Variants in USP6NL observed in about 807,000 individuals in gnomAD.
The protein encoded by USP6NL is USP6 N-terminal like, also known as USP6 N-terminal-like protein.
USP6NL carries 26 observed loss-of-function variants against 61.9 expected under a neutral mutation model. The observed-to-expected ratio is 0.42, with a 90% CI of 0.31 to 0.58. The LOEUF (loss-of-function observed/expected upper bound fraction) is 0.58. USP6NL is among the 20% of genes least tolerant of loss of function. USP6NL has a pLI of 0.16. For missense variants in USP6NL, 1,114 were observed against 1,034.3 expected (o/e 1.08, Z -1.06); for synonymous variants, 432 against 390.1 (o/e 1.11, Z -1.27).
chr10:11,606,808 T>C (rs1199003816), intron 1 of USP6NL, among the ~76,000 whole-genome samples: 1 of 152,010 alleles, frequency 6.6e-6, no homozygotes, highest in East Asian at 1.9e-4. Flanking sequence ...TTTTTTTTTT[T>C]TGACACGGAG....
chr10:11,565,364 G>A lies in USP6NL; in HGVS notation c.4+32267C>T, dbSNP rs34560270. The A allele has an allele frequency of 7.4e-3, 1,131 of 152,310 alleles. 4 individuals are homozygous for A. The highest frequency in any genetic ancestry group is 0.012 in the South Asian group (57 of 4,824). The allele number at this position is 152,310 out of a possible 1,614,324, so 9.4% of individuals were successfully genotyped here. On this transcript the variant is annotated intron_variant, in intron 2 of 14. Transcript: ENST00000609104. ...CCTTTAAGAATGTAGCATCCAGGCCGGGCGTAGTGGCTCACACCTATAATC... is the reference window on the plus strand; with the variant it reads ...CCTTTAAGAATGTAGCATCCAGGCCAGGCGTAGTGGCTCACACCTATAATC...
chr10:11,485,765 C>CT lies in USP6NL; in HGVS notation c.759+51dup. On this transcript the variant is annotated intron_variant, in intron 11 of 14. Transcript: ENST00000609104. The surrounding 1 kb of genome is among the most constrained non-coding windows in gnomAD (Gnocchi z 4.8). ...ACCAAAGACAATTTAATTATCCCAG[C>CT]TTTTTTTGGGGGGTGGGTAGGTGGG... The CT allele has an allele frequency of 8.0e-6, 10 of 1,246,402 alleles. No individual in the cohort carries two copies. The highest frequency in any genetic ancestry group is 2.6e-5 in the Admixed American group (1 of 37,970). The allele number at this position is 1,246,402 out of a possible 1,614,324, so 77.2% of individuals were successfully genotyped here. A position where few individuals can be genotyped will look rare whatever the true frequency, so the allele number is the denominator to read the frequency against.
chr10:11,589,498 T>C lies in USP6NL; in HGVS notation c.4+8133A>G, dbSNP rs1838089289. On this transcript the variant is annotated intron_variant, in intron 2 of 14. Transcript: ENST00000609104. The surrounding 1 kb of genome is among the most constrained non-coding windows in gnomAD (Gnocchi z 4.7). The stretch of plus-strand genomic sequence containing the variant: ...AAAATACAAAGACCAACTATTATAA[T>C]TTACATAAAAACTTAATACATATAT... Among the ~76,000 whole-genome samples, 1 of 152,200 alleles carries C rather than the reference T, an allele frequency of 6.6e-6. No individual in the cohort carries two copies. Among genetic ancestry groups the C allele is most frequent in the Non-Finnish European group, 1.5e-5 (1 of 68,038 alleles).
chr10:11,481,878 GA>G lies in USP6NL; in HGVS notation c.969del (p.Gln324ArgfsTer15), dbSNP rs1833214538. On this transcript the variant is annotated frameshift_variant, in exon 14 of 15. Coordinates refer to ENST00000609104, the MANE Select transcript of USP6NL (RefSeq NM_014688.5). LOFTEE classifies it high-confidence loss of function. The surrounding 1 kb of genome is among the most constrained non-coding windows in gnomAD (Gnocchi z 4.4). ...AAAAAATCCTTTGCCAGGGTCTCCT[GA>G]AAAAATTCTACAAGTTCTTCCATGG... The part of the protein sequence containing the change: ...KLSMEELVEF[F>X]QETLAKDFFF... 6.2e-7 allele frequency: 1 copy of G among 1,611,576 alleles called. No individual in the cohort carries two copies.
rs1383914682 is a variant in USP6NL, at chr10:11,474,772, G to T, written c.1078+6998C>A. Among the ~76,000 whole-genome samples, 1 of 151,674 alleles carries T rather than the reference G, an allele frequency of 6.6e-6. No individual in the cohort carries two copies. The highest frequency in any genetic ancestry group is 2.4e-5 in the African/African-American group (1 of 41,262). On this transcript the variant is annotated intron_variant, in intron 14 of 14. Transcript: ENST00000609104. This position sits in a 1 kb window ranked among gnomAD's most constrained non-coding sequence, Gnocchi z 4.9. Reference sequence around the variant, plus strand: ...GCTGGAAAAAATTAAGTTAATATGTGAATTCAAAGCATTTAGCAAAAAATC... The same window carrying T: ...GCTGGAAAAAATTAAGTTAATATGTTAATTCAAAGCATTTAGCAAAAAATC...
rs189706983 is a variant in USP6NL, at chr10:11,482,592, T to C, written c.926-670A>G. Among the ~76,000 whole-genome samples the C allele has an allele frequency of 4.0e-4, 61 of 152,374 alleles. No homozygotes were observed. The highest frequency in any genetic ancestry group is 1.5e-3 in the African/African-American group (61 of 41,586). ...TCAAGTTATTCCCCTTTTTGCTTTT[T>C]TCCCCATTCACTAATGTATCACTGA... On this transcript the variant is annotated intron_variant, in intron 13 of 14. Transcript: ENST00000609104. The surrounding 1 kb of genome is among the most constrained non-coding windows in gnomAD (Gnocchi z 4.0).
chr10:11,562,913 T>A lies in USP6NL; in HGVS notation c.4+34718A>T, dbSNP rs938288871. 1 of 354,594 alleles carries A rather than the reference T, an allele frequency of 2.8e-6. No individual in the cohort carries two copies. Among genetic ancestry groups the A allele is most frequent in the Non-Finnish European group, 3.9e-6 (1 of 253,454 alleles). The allele number at this position is 354,594 out of a possible 1,614,324, so 22.0% of individuals were successfully genotyped here. A position where few individuals can be genotyped will look rare whatever the true frequency, so the allele number is the denominator to read the frequency against. On this transcript the variant is annotated intron_variant, in intron 2 of 14. Transcript: ENST00000609104. The surrounding 1 kb of genome is among the most constrained non-coding windows in gnomAD (Gnocchi z 4.8). ...AATCTATGAATCACATTCCTGGGTA[T>A]CTATCCCACAGAAATAAAAATTTAT...
rs143318704 is a variant in USP6NL, at chr10:11,595,659, AAGAG to A, written c.4+1968_4+1971del. On this transcript the variant is annotated intron_variant, in intron 2 of 14. Coordinates refer to ENST00000609104, the MANE Select transcript of USP6NL (RefSeq NM_014688.5). This position sits in a 1 kb window ranked among gnomAD's most constrained non-coding sequence, Gnocchi z 5.3. ...GAAAAAAACAAAAATCACAAAAAGA[AAGAG>A]AGAGACATAAGAGCAAAAAAACTTC... Among the ~76,000 whole-genome samples, 1,094 of 151,894 alleles carry A rather than the reference AAGAG, an allele frequency of 7.2e-3. 4 individuals are homozygous for A. The highest frequency in any genetic ancestry group is 0.031 in the Middle Eastern group (9 of 294).
In USP6NL at chr10:11,493,595, C is replaced by T. The variant is rs372520296; in HGVS notation, c.385-367G>A. ...TTTCTTGTTTCTTTCCAGGATGATG[C>T]TTTTGTTTTCCTTGAAGCTAATCAT... On this transcript the variant is annotated intron_variant, in intron 7 of 14. Transcript: ENST00000609104. Among the ~76,000 whole-genome samples, 153 of 152,314 alleles carry T rather than the reference C, an allele frequency of 1.0e-3. 2 individuals are homozygous for T. Among genetic ancestry groups the T allele is most frequent in the African/African-American group, 3.5e-3 (144 of 41,572 alleles).
chr10:11,542,063 T>C (rs1449137964), intron 2 of USP6NL, among the ~76,000 whole-genome samples: 1 of 152,172 alleles, frequency 6.6e-6, no homozygotes, highest in Non-Finnish European at 1.5e-5. Flanking sequence ...ACCTGAAAGT[T>C]CCACTTGGAA....
intron 10 of USP6NL, among the ~76,000 whole-genome samples, chr10:11,486,941 G>GA (rs1833494952): frequency 6.6e-6 from 1 of 151,954 alleles, no homozygotes; most frequent in African/African-American, 2.4e-5. Context: ...CTACTGGGCA[G>GA]AATTATTTCT....
rs184531918 is a variant in USP6NL at position 11,540,177 on chromosome 10, T to C, written c.5-12610A>G. Among the ~76,000 whole-genome samples, 3 of 152,348 alleles carry C rather than the reference T, an allele frequency of 2.0e-5. No homozygotes were observed. The highest frequency in any genetic ancestry group is 4.4e-5 in the Non-Finnish European group (3 of 68,028). On this transcript the variant is annotated intron_variant, in intron 2 of 14. Transcript: ENST00000609104. This position sits in a 1 kb window ranked among gnomAD's most constrained non-coding sequence, Gnocchi z 5.0. ...TCTGGATTCTAGTAGCCCTCCAATC[T>C]CATTACATGAAATTGTCAATTATTT...
chr10:11,539,175 T>G lies in USP6NL; in HGVS notation c.5-11608A>C, dbSNP rs188586506. On this transcript the variant is annotated intron_variant, in intron 2 of 14. Coordinates refer to ENST00000609104, the MANE Select transcript of USP6NL (RefSeq NM_014688.5). ...CTGGGTGCAGCCTTCTGTCCCTGAG[T>G]GTCCCCTGGTCTGGTCTCTCTAATG... 4.6e-3 allele frequency among the ~76,000 whole-genome samples: 702 copies of G among 152,274 alleles called. 9 individuals carry two copies. The highest frequency in any genetic ancestry group is 0.016 in the African/African-American group (679 of 41,560).
At chr10:11,514,323 G>A (rs1441276367) in intron 5 of USP6NL, among the ~76,000 whole-genome samples, 2 of 146,646 alleles carry the variant, frequency 1.4e-5, no homozygotes, top group African/African-American at 5.0e-5. Context: ...AATTATGACT[G>A]TGATGGTGGT....
intron 6 of USP6NL, among the ~76,000 whole-genome samples, chr10:11,506,215 T>C (rs540642828): frequency 5.4e-4 from 82 of 152,336 alleles, no homozygotes; most frequent in Non-Finnish European, 1.1e-3. Context: ...ATTCAATTAT[T>C]TGACCAACAA....
At chr10:11,593,334 T>C (rs1838217680) in intron 2 of USP6NL, among the ~76,000 whole-genome samples, 1 of 152,248 alleles carries the variant, frequency 6.6e-6, no homozygotes, top group Non-Finnish European at 1.5e-5. Context: ...TGTGTTTTGG[T>C]GTTTTCACTT....
intron 2 of USP6NL, among the ~76,000 whole-genome samples, chr10:11,549,908 A>G (rs1416890208): frequency 1.3e-5 from 2 of 152,302 alleles, no homozygotes; most frequent in South Asian, 2.1e-4. Context: ...AGATTACAAA[A>G]CGGATTTATT....
In USP6NL at chr10:11,489,902, G is replaced by T. The variant is rs545493371; in HGVS notation, c.544-680C>A. ...ACAGAATGCTCACAATGAATCTGTG[G>T]GTGCAATCTGAGCCGCAGTATAACT... On this transcript the variant is annotated intron_variant, in intron 9 of 14. Coordinates refer to ENST00000609104, the MANE Select transcript of USP6NL (RefSeq NM_014688.5). This position sits in a 1 kb window ranked among gnomAD's most constrained non-coding sequence, Gnocchi z 5.7. Among the ~76,000 whole-genome samples the T allele has an allele frequency of 1.3e-5, 2 of 152,296 alleles. No individual in the cohort carries two copies. Among genetic ancestry groups the T allele is most frequent in the South Asian group, 4.1e-4 (2 of 4,828 alleles).
intron 1 of USP6NL, among the ~76,000 whole-genome samples, chr10:11,604,136 G>GC (rs1339639652): frequency 3.3e-5 from 5 of 152,144 alleles, no homozygotes; most frequent in African/African-American, 1.2e-4. Context: ...GTGGAATTAT[G>GC]CATAAAAGAG....
Sources: gnomAD v4.1 joint callset for allele counts (sites outside exome capture counted in the v4.1 genomes callset) on GRCh38, gnomAD v4.1.1 for gene constraint, Gnocchi (gnomAD v3.1) non-coding constraint, MANE v1.5 for transcripts, NCBI Gene and HGNC (gene_info 2026-07-23, HGNC 2026-07-21) for gene names.